The following PPM1E variants were observed in gnomAD, a reference collection of about 807,000 sequenced individuals.
PPM1E encodes the protein protein phosphatase, Mg2+/Mn2+ dependent 1E.
In PPM1E, 20 loss-of-function variants were observed where a neutral mutation model predicts 65.9. That is an observed-to-expected ratio of 0.30 (90% confidence interval 0.21 to 0.44). PPM1E has a LOEUF of 0.44. Ranked by LOEUF, PPM1E falls within the 20% of genes least tolerant of loss-of-function variation. The pLI, the probability that PPM1E is intolerant of heterozygous loss-of-function variation, is 1.00. For synonymous variants in PPM1E, 352 were observed against 374.9 expected, an observed-to-expected ratio of 0.94 and a Z score of 0.70; for missense variants, 713 against 953.1, an observed-to-expected ratio of 0.75 and a Z score of 3.32.
At chr17:58,818,977 C>T (rs2050453456) in intron 1 of PPM1E, among the ~76,000 whole-genome samples, 1 of 152,216 alleles carries the variant, frequency 6.6e-6, no homozygotes, top group Non-Finnish European at 1.5e-5. Flanking sequence ...ATAGCCACTA[C>T]ACTCCAGCCT....
intron 1 of PPM1E, among the ~76,000 whole-genome samples, chr17:58,938,344 T>A (rs1349686489): frequency 2.0e-5 from 3 of 152,180 alleles, no homozygotes; most frequent in Admixed American, 6.5e-5. Flanking sequence ...CTCCTTATAT[T>A]TCTGCTCTAA....
intron 1 of PPM1E, among the ~76,000 whole-genome samples, chr17:58,890,522 A>C (rs2051331882): frequency 6.6e-6 from 1 of 152,218 alleles, no homozygotes; most frequent in Non-Finnish European, 1.5e-5. Context: ...CATGTCCATG[A>C]ATGACTGTGA....
chr17:58,822,815 A>G (rs779658357), intron 1 of PPM1E, among the ~76,000 whole-genome samples: 3 of 152,218 alleles, frequency 2.0e-5, no homozygotes, highest in Non-Finnish European at 4.4e-5. Context: ...AAGTTATGCT[A>G]TCAGTCAGGT....
intron 1 of PPM1E, among the ~76,000 whole-genome samples, chr17:58,863,787 G>A (rs942582424): frequency 1.3e-5 from 2 of 152,130 alleles, no homozygotes; most frequent in African/African-American, 2.4e-5. Flanking sequence ...TGTCCCAACC[G>A]AACACCTCTC....
At chr17:58,795,572 C>G (rs184560539) in intron 1 of PPM1E, among the ~76,000 whole-genome samples, 1 of 152,074 alleles carries the variant, frequency 6.6e-6, no homozygotes, top group Non-Finnish European at 1.5e-5. Context: ...GATGTGGTGG[C>G]GCACGCCTGT....
chr17:58,982,647 G>A lies in PPM1E; in HGVS notation c.*1616G>A. On this transcript the variant is annotated 3_prime_UTR_variant, in exon 7 of 7. Coordinates refer to ENST00000308249, the MANE Select transcript of PPM1E (RefSeq NM_014906.5). ...ACAAAAACAGCTTCACTTTAGCAATGATCAGATTGTTAATCTACAGATTTT... is the reference window on the plus strand; with the variant it reads ...ACAAAAACAGCTTCACTTTAGCAATAATCAGATTGTTAATCTACAGATTTT... 1 of 465,880 alleles carries A rather than the reference G, an allele frequency of 2.1e-6. No homozygotes were observed. Among genetic ancestry groups the A allele is most frequent in the East Asian group, 3.5e-5 (1 of 28,350 alleles). The allele number at this position is 465,880 out of a possible 1,614,324, so 28.9% of individuals were successfully genotyped here.
At chr17:58,955,275 G>T (rs926042275) in intron 1 of PPM1E, among the ~76,000 whole-genome samples, 5 of 152,042 alleles carry the variant, frequency 3.3e-5, no homozygotes, top group African/African-American at 4.8e-5. Flanking sequence ...TGAGGCAGGA[G>T]AATCGCTTGA....
intron 1 of PPM1E, among the ~76,000 whole-genome samples, chr17:58,863,320 C>T (rs764865073): frequency 7.9e-5 from 12 of 152,182 alleles, no homozygotes; most frequent in South Asian, 2.1e-4. Context: ...CTGAGCCCTT[C>T]ATGGGAGTGG....
In PPM1E at chr17:58,775,441, AT is replaced by A. The variant is rs987440637; in HGVS notation, c.464+18982del. On this transcript the variant is annotated intron_variant, in intron 1 of 6. Coordinates refer to ENST00000308249, the MANE Select transcript of PPM1E (RefSeq NM_014906.5). ...TAATAATGTTATTATTGTATTTTTA[AT>A]TAGCAATTTGTTTGATTTTGTCATA... 3.9e-4 allele frequency among the ~76,000 whole-genome samples: 59 copies of A among 152,226 alleles called. 2 individuals are homozygous for A. The Middle Eastern group carries it at 0.017, about 44-fold the overall frequency.
intron 1 of PPM1E, among the ~76,000 whole-genome samples, chr17:58,910,641 G>A (rs1191499083): frequency 5.3e-5 from 8 of 152,178 alleles, no homozygotes; most frequent in Admixed American, 6.5e-5. Context: ...GTAGTTAGGG[G>A]AAACTAGTCC....
chr17:58,908,666 C>T (rs1185720619), intron 1 of PPM1E, among the ~76,000 whole-genome samples: 1 of 150,410 alleles, frequency 6.6e-6, no homozygotes, highest in Non-Finnish European at 1.5e-5. Context: ...TCTTGAACTC[C>T]TGACCTCAGG....
intron 1 of PPM1E, among the ~76,000 whole-genome samples, chr17:58,819,304 C>T (rs545027211): frequency 6.6e-6 from 1 of 152,196 alleles, no homozygotes; most frequent in Non-Finnish European, 1.5e-5. Context: ...CGCCACCACG[C>T]CAGGCTAATT....
chr17:58,800,148 T>A (rs1361248108), intron 1 of PPM1E, among the ~76,000 whole-genome samples: 1 of 150,340 alleles, frequency 6.7e-6, no homozygotes, highest in East Asian at 1.9e-4. Flanking sequence ...CTTTGTCAAA[T>A]TTTTTTTTTC....
At chr17:58,960,193 G>C (rs1272612370) in intron 2 of PPM1E, among the ~76,000 whole-genome samples, 2 of 152,092 alleles carry the variant, frequency 1.3e-5, no homozygotes, top group Non-Finnish European at 2.9e-5. Context: ...TTGTTTTCAG[G>C]CTCCATGAGG....
Position 58,983,100 on chromosome 17 carries a change from G to A in PPM1E, c.*2069G>A. On this transcript the variant is annotated 3_prime_UTR_variant, in exon 7 of 7. Transcript: ENST00000308249. ...CTACACATGCTAGGCTTTCTCAGTG[G>A]GGAAAAAAATGGCTGGATAGAACTG... is the stretch of plus-strand genomic sequence containing the variant. 5.3e-6 allele frequency: 3 copies of A among 562,600 alleles called. No individual in the cohort carries two copies. Among genetic ancestry groups the A allele is most frequent in the South Asian group, 2.6e-5 (1 of 39,138 alleles). The allele number at this position is 562,600 out of a possible 1,614,324, so 34.9% of individuals were successfully genotyped here. A position where few individuals can be genotyped will look rare whatever the true frequency, so the allele number is the denominator to read the frequency against.
At chr17:58,887,013 C>A (rs562576634) in intron 1 of PPM1E, among the ~76,000 whole-genome samples, 3 of 152,136 alleles carry the variant, frequency 2.0e-5, no homozygotes, top group Non-Finnish European at 2.9e-5. Context: ...ATAGGAATTA[C>A]ACTTTAAATT....
intron 1 of PPM1E, among the ~76,000 whole-genome samples, chr17:58,783,069 G>T (rs1567832155): frequency 1.3e-5 from 2 of 152,168 alleles, no homozygotes; most frequent in South Asian, 4.1e-4. Context: ...TTATATCTGA[G>T]ATTGCTATGA....
At chr17:58,768,098 C>T (rs1006274677) in intron 1 of PPM1E, among the ~76,000 whole-genome samples, 1 of 151,898 alleles carries the variant, frequency 6.6e-6, no homozygotes, top group African/African-American at 2.4e-5. Flanking sequence ...TTACAGGTGC[C>T]TGCCACCTTG....
chr17:58,886,932 C>G (rs532687927), intron 1 of PPM1E, among the ~76,000 whole-genome samples: 1 of 152,136 alleles, frequency 6.6e-6, no homozygotes, highest in South Asian at 2.1e-4. Flanking sequence ...CTCTGTACTT[C>G]TTCAGTTTTG....
Sources: allele counts gnomAD v4.1 joint callset (sites outside exome capture counted in the v4.1 genomes callset), GRCh38; gene constraint gnomAD v4.1.1; transcripts MANE v1.5; gene names NCBI Gene and HGNC (gene_info 2026-07-23, HGNC 2026-07-21).